FBXL20: variants seen among roughly 807,000 people sequenced by gnomAD.
FBXL20 encodes the protein F-box/LRR-repeat protein 20.
In FBXL20, 11 loss-of-function variants were observed where a neutral mutation model predicts 64.0. The observed-to-expected ratio is 0.17, with a 90% CI of 0.11 to 0.28. The LOEUF is 0.28. FBXL20 is among the 10% of genes least tolerant of loss of function. FBXL20 has a pLI of 1.00. For synonymous variants in FBXL20, 184 were observed against 189.0 expected (o/e 0.97, Z 0.22); for missense variants, 303 against 526.2 (o/e 0.58, Z 4.15).
chr17:39,270,814 G>C lies in FBXL20; in HGVS notation c.870C>G (p.Gly290=), dbSNP rs2046837045. ...VARCSQLTDV[G]FTTLARNCHE... ...TACTTACCCTGGCTAGAGTGGTAAAGCCCACATCTGTTAATTGAGAACATC... is the reference window on the plus strand; with the variant it reads ...TACTTACCCTGGCTAGAGTGGTAAACCCCACATCTGTTAATTGAGAACATC... The change falls in exon 11 of 15, where the codon GGC becomes GGG. Residue 290 remains glycine (G), a synonymous_variant. Transcript: ENST00000264658. 6.2e-7 allele frequency: 1 copy of C among 1,606,742 alleles called. No homozygotes were observed. Among genetic ancestry groups the C allele is most frequent in the South Asian group, 1.1e-5 (1 of 90,484 alleles).
At chr17:39,307,896 G>A (rs1349771064) in intron 2 of FBXL20, among the ~76,000 whole-genome samples, 3 of 151,444 alleles carry the variant, frequency 2.0e-5, no homozygotes, top group Non-Finnish European at 4.4e-5. Flanking sequence ...GCTACAACTT[G>A]GGAGGCAGAG....
At position 39,260,120 on chromosome 17, in the gene FBXL20, T is replaced by G. The variant is rs754290332; in HGVS notation, c.*1340A>C. ...CTGACATACAATTGACCAGCTGTTA[T>G]AGAGCCATTCTTGTATCCCTGAAAG... On this transcript the variant is annotated 3_prime_UTR_variant, in exon 15 of 15. Transcript: ENST00000264658. The G allele has an allele frequency of 1.3e-5, 2 of 151,786 alleles. No individual in the cohort carries two copies. Among genetic ancestry groups the G allele is most frequent in the Admixed American group, 6.6e-5 (1 of 15,226 alleles). 9.4% of individuals were successfully genotyped at this position (151,786 alleles called of 1,614,324 possible).
At chr17:39,267,781 C>T (rs939675483) in intron 12 of FBXL20, among the ~76,000 whole-genome samples, 3 of 152,000 alleles carry the variant, frequency 2.0e-5, no homozygotes, top group Non-Finnish European at 4.4e-5. Context: ...AGGGGGTGGG[C>T]GAGCAGGCAG....
chr17:39,362,590 T>C (rs1421599917), intron 1 of FBXL20, among the ~76,000 whole-genome samples: 1 of 151,502 alleles, frequency 6.6e-6, no homozygotes, highest in Admixed American at 6.6e-5. Flanking sequence ...CCCAAAGTGC[T>C]GGGATTACAG....
At chr17:39,285,382 AAC>A (rs2046979971) in intron 7 of FBXL20, 94 bp downstream of exon 7, 5 of 736,582 alleles carry the variant, frequency 6.8e-6, no homozygotes, top group Non-Finnish European at 8.4e-6. Context: ...ATATCCATAA[AAC>A]AGAGTTGCCT....
intron 3 of FBXL20, among the ~76,000 whole-genome samples, chr17:39,302,814 T>C (rs1260362329): frequency 6.6e-6 from 1 of 152,156 alleles, no homozygotes; most frequent in Non-Finnish European, 1.5e-5. Context: ...CCAGCCTTAG[T>C]TCAGTACTTC....
chr17:39,370,512 C>T (rs908457561), intron 1 of FBXL20, among the ~76,000 whole-genome samples: 2 of 149,696 alleles, frequency 1.3e-5, no homozygotes, highest in Admixed American at 6.7e-5. Context: ...GAAGGCCGGG[C>T]GCGGTGGCTC....
intron 1 of FBXL20, among the ~76,000 whole-genome samples, chr17:39,346,182 A>G (rs535640744): frequency 6.6e-6 from 1 of 152,078 alleles, no homozygotes; most frequent in East Asian, 1.9e-4. Flanking sequence ...AGATTTATAA[A>G]TAATAAATCA....
intron 2 of FBXL20, among the ~76,000 whole-genome samples, chr17:39,341,039 GT>G (rs1255469802): frequency 1.3e-5 from 2 of 150,592 alleles, no homozygotes; most frequent in Non-Finnish European, 3.0e-5. Flanking sequence ...TCATCATGGG[GT>G]TTAAACAAAA....
chr17:39,270,120 T>C (rs948781058), intron 11 of FBXL20, among the ~76,000 whole-genome samples: 3 of 152,246 alleles, frequency 2.0e-5, no homozygotes, highest in African/African-American at 7.2e-5. Context: ...AACCTTTCCA[T>C]TTAGAACCAG....
intron 3 of FBXL20, among the ~76,000 whole-genome samples, chr17:39,301,599 G>A (rs2047136019): frequency 6.6e-6 from 1 of 152,098 alleles, no homozygotes; most frequent in Non-Finnish European, 1.5e-5. Flanking sequence ...GTGGTGGCAC[G>A]TGCCTGTAAT....
chr17:39,310,803 T>C (rs1249438323), intron 2 of FBXL20, among the ~76,000 whole-genome samples: 1 of 151,980 alleles, frequency 6.6e-6, no homozygotes, highest in Non-Finnish European at 1.5e-5. Flanking sequence ...CTGATCAACA[T>C]GGTGAAACCC....
chr17:39,325,737 G>A (rs2047402690), intron 2 of FBXL20, among the ~76,000 whole-genome samples: 1 of 152,084 alleles, frequency 6.6e-6, no homozygotes, highest in African/African-American at 2.4e-5. Flanking sequence ...CACGCACAGG[G>A]CAGACTCCAA....
At chr17:39,332,519 C>T (rs1354587658) in intron 2 of FBXL20, among the ~76,000 whole-genome samples, 1 of 145,130 alleles carries the variant, frequency 6.9e-6, no homozygotes, top group Admixed American at 6.9e-5. Context: ...TTCCCCTTTG[C>T]TGATTTTTCT....
chr17:39,272,098 A>T (rs1340685679), intron 10 of FBXL20, among the ~76,000 whole-genome samples: 1 of 152,054 alleles, frequency 6.6e-6, no homozygotes, highest in Non-Finnish European at 1.5e-5. Context: ...AAAAATTTTT[A>T]AATTCTGTCC....
chr17:39,379,324 T>A (rs2048000332), intron 1 of FBXL20, among the ~76,000 whole-genome samples: 1 of 151,878 alleles, frequency 6.6e-6, no homozygotes, highest in Non-Finnish European at 1.5e-5. Flanking sequence ...GGTGGAAATA[T>A]ACAATGATGT....
intron 5 of FBXL20, 41 bp from the exon 6 acceptor site, chr17:39,297,236 C>T: frequency 8.0e-7 from 1 of 1,251,008 alleles, no homozygotes; most frequent in Non-Finnish European, 1.2e-6. Flanking sequence ...ATGAAATAGG[C>T]CAAATTCCAG....
chr17:39,321,008 T>C (rs2047350762), intron 2 of FBXL20, among the ~76,000 whole-genome samples: 3 of 152,196 alleles, frequency 2.0e-5, no homozygotes, highest in South Asian at 4.1e-4. Context: ...AGTTCTTTTT[T>C]TGTTTTTTTC....
At chr17:39,298,522 C>G (rs1416981275) in intron 5 of FBXL20, among the ~76,000 whole-genome samples, 6 of 152,012 alleles carry the variant, frequency 3.9e-5, no homozygotes. Flanking sequence ...AGTTCGAGAC[C>G]AGCCTGGACA....
Sources: allele counts gnomAD v4.1 joint callset (sites outside exome capture counted in the v4.1 genomes callset), GRCh38; gene constraint gnomAD v4.1.1; transcripts MANE v1.5; gene names NCBI Gene and HGNC (gene_info 2026-07-23, HGNC 2026-07-21).